TGFA: variants seen among roughly 807,000 people sequenced by gnomAD.
TGFA encodes protransforming growth factor alpha.
In TGFA, 12 loss-of-function variants were observed where a neutral mutation model predicts 21.7. The ratio of observed to expected loss-of-function variants is 0.55; its 90% confidence interval spans 0.35 to 0.90. The LOEUF is 0.90. Ranked by LOEUF, TGFA falls within the 40% of genes least tolerant of loss-of-function variation. The pLI is 0.01. For missense variants in TGFA, 178 were observed against 210.8 expected (o/e 0.84, Z 0.96); for synonymous variants, 79 against 88.1 (o/e 0.90, Z 0.58).
At position 70,518,832 on chromosome 2, in the gene TGFA, C is replaced by T. The variant is rs372587585; in HGVS notation, c.41-3920G>A. On this transcript the variant is annotated intron_variant, in intron 1 of 5. Coordinates refer to ENST00000295400, the MANE Select transcript of TGFA (RefSeq NM_003236.4). The stretch of plus-strand genomic sequence containing the variant: ...AGAGTGGACCATGTCCTGCTCTGGC[C>T]TCTGCTGGGGCTGGGGTTTGCTTTC... Among the ~76,000 whole-genome samples, 246 of 152,322 alleles carry T rather than the reference C, an allele frequency of 1.6e-3. 1 individual carries two copies. The highest frequency in any genetic ancestry group is 8.7e-3 in the South Asian group (42 of 4,830).
chr2:70,501,516 A>G (rs1409322502), intron 2 of TGFA, among the ~76,000 whole-genome samples: 2 of 152,202 alleles, frequency 1.3e-5, no homozygotes, highest in African/African-American at 4.8e-5. Context: ...TAAACAAGAA[A>G]GAGAGAAAGT....
chr2:70,480,238 T>C (rs1355269119), intron 2 of TGFA, among the ~76,000 whole-genome samples: 3 of 152,228 alleles, frequency 2.0e-5, no homozygotes, highest in Non-Finnish European at 2.9e-5. Context: ...TTGTCACTTA[T>C]TGTGGCCTTG....
At chr2:70,528,590 A>T (rs574999642) in intron 1 of TGFA, among the ~76,000 whole-genome samples, 6 of 152,240 alleles carry the variant, frequency 3.9e-5, no homozygotes, top group Non-Finnish European at 8.8e-5. Flanking sequence ...GAATCTGAGC[A>T]GCCTTTGAAA....
intron 3 of TGFA, among the ~76,000 whole-genome samples, chr2:70,462,926 C>A (rs553805484): frequency 1.3e-5 from 2 of 152,274 alleles, no homozygotes; most frequent in Non-Finnish European, 2.9e-5. Context: ...GGTCAGGGAA[C>A]TGGGCTTGGG....
At chr2:70,509,701 A>C (rs1401388232) in intron 2 of TGFA, among the ~76,000 whole-genome samples, 1 of 152,208 alleles carries the variant, frequency 6.6e-6, no homozygotes, top group Non-Finnish European at 1.5e-5. Context: ...GGCAGATAGC[A>C]GATGGAAGCC....
At chr2:70,479,647 T>TC (rs1671051585) in intron 2 of TGFA, among the ~76,000 whole-genome samples, 1 of 152,188 alleles carries the variant, frequency 6.6e-6, no homozygotes, top group African/African-American at 2.4e-5. Context: ...TTCCTTTTTT[T>TC]CTCATTATTT....
chr2:70,452,212 C>T (rs1225942458), intron 5 of TGFA, among the ~76,000 whole-genome samples: 24 of 152,176 alleles, frequency 1.6e-4, no homozygotes, highest in Non-Finnish European at 4.4e-5. Flanking sequence ...GTCTCTTGAC[C>T]CACTATGTCC....
intron 5 of TGFA, among the ~76,000 whole-genome samples, chr2:70,451,516 C>A (rs150331494): frequency 1.3e-5 from 2 of 152,182 alleles, no homozygotes; most frequent in African/African-American, 2.4e-5. Flanking sequence ...GGACTTCAGC[C>A]CAGGTTGCCA....
chr2:70,544,714 T>C (rs530017510), intron 1 of TGFA, among the ~76,000 whole-genome samples: 1 of 152,308 alleles, frequency 6.6e-6, no homozygotes, highest in African/African-American at 2.4e-5. Context: ...CAAACTGATA[T>C]TCCATAAACA....
At chr2:70,513,574 C>T (rs1185245242) in intron 2 of TGFA, among the ~76,000 whole-genome samples, 1 of 152,118 alleles carries the variant, frequency 6.6e-6, no homozygotes, top group African/African-American at 2.4e-5. Flanking sequence ...CACCAAGTGG[C>T]TTAGGCACCT....
chr2:70,553,407 G>T, intron 1 of TGFA: 1 of 1,442,662 alleles, frequency 6.9e-7, no homozygotes, highest in Non-Finnish European at 9.0e-7. Flanking sequence ...GCAGGTAGGT[G>T]TAGGCATGTG....
At chr2:70,502,245 G>T (rs58249365) in intron 2 of TGFA, among the ~76,000 whole-genome samples, 9,733 of 152,294 alleles carry the variant, frequency 0.064, 370 homozygotes, top group Middle Eastern at 0.099. Flanking sequence ...TAAAAGTAAA[G>T]CTCAGTGTTT....
At chr2:70,461,007 G>C (rs559999755) in intron 3 of TGFA, among the ~76,000 whole-genome samples, 1 of 152,250 alleles carries the variant, frequency 6.6e-6, no homozygotes, top group East Asian at 1.9e-4. Flanking sequence ...CTACTTAAGA[G>C]TCCAGTGGCT....
At chr2:70,482,905 G>A (rs930086469) in intron 2 of TGFA, among the ~76,000 whole-genome samples, 15 of 152,128 alleles carry the variant, frequency 9.9e-5, no homozygotes, top group African/African-American at 3.1e-4. Context: ...AGGTCAATGC[G>A]AATACATCAA....
In TGFA at chr2:70,521,609, G is replaced by GTTTTTTTTTTTTTTTTTT. The variant is rs797022948; in HGVS notation, c.41-6698_41-6697insAAAAAAAAAAAAAAAAAA. Among the ~76,000 whole-genome samples, 30 of 78,886 alleles carry GTTTTTTTTTTTTTTTTTT rather than the reference G, an allele frequency of 3.8e-4. 3 individuals are homozygous for GTTTTTTTTTTTTTTTTTT. Among genetic ancestry groups the GTTTTTTTTTTTTTTTTTT allele is most frequent in the Admixed American group, 1.2e-3 (7 of 5,624 alleles). 51.8% of individuals were successfully genotyped at this position (78,886 alleles called of 152,430 possible). On this transcript the variant is annotated intron_variant, in intron 1 of 5. Coordinates refer to ENST00000295400, the MANE Select transcript of TGFA (RefSeq NM_003236.4). ...ACTATTGATAGTTTTTTTTGTTGTT[G>GTTTTTTTTTTTTTTTTTT]TTTGTTTGTTTTTTTTTTTTTTTTT...
intron 2 of TGFA, among the ~76,000 whole-genome samples, chr2:70,506,264 C>T (rs1195215933): frequency 6.6e-6 from 1 of 152,194 alleles, no homozygotes; most frequent in East Asian, 1.9e-4. Flanking sequence ...CACAGACTCC[C>T]AGTGACCAGC....
intron 1 of TGFA, chr2:70,553,335 G>A: frequency 1.3e-6 from 2 of 1,496,370 alleles, no homozygotes; most frequent in South Asian, 1.3e-5. Flanking sequence ...CCCCCGTTCC[G>A]AGGCGGCCCA....
intron 1 of TGFA, among the ~76,000 whole-genome samples, chr2:70,528,155 A>C (rs561427866): frequency 1.3e-5 from 2 of 152,370 alleles, no homozygotes; most frequent in Non-Finnish European, 2.9e-5. Context: ...AATGTGTTGA[A>C]GGGCTATGTT....
chr2:70,480,329 G>A (rs1553495225), intron 2 of TGFA, among the ~76,000 whole-genome samples: 1 of 152,218 alleles, frequency 6.6e-6, no homozygotes, highest in Non-Finnish European at 1.5e-5. Flanking sequence ...AGGTTGGGCT[G>A]TTTGGGTGAT....
Sources: allele counts gnomAD v4.1 joint callset (sites outside exome capture counted in the v4.1 genomes callset), GRCh38; gene constraint gnomAD v4.1.1; transcripts MANE v1.5; gene names NCBI Gene and HGNC (gene_info 2026-07-23, HGNC 2026-07-21).